The following CADPS variants were observed in gnomAD, a reference collection of about 807,000 sequenced individuals.
CADPS encodes the protein calcium-dependent secretion activator 1.
In CADPS, 57 loss-of-function variants were observed where a neutral mutation model predicts 167.3. The ratio of observed to expected loss-of-function variants is 0.34; its 90% confidence interval spans 0.28 to 0.42. The LOEUF (loss-of-function observed/expected upper bound fraction) is 0.42, where lower values mean the gene tolerates loss of function less well. Among genes scored for constraint, CADPS ranks in the 20% least tolerant of loss-of-function variants. The pLI, the probability that CADPS is intolerant of heterozygous loss-of-function variation, is 1.00. For missense variants in CADPS, 1,414 were observed against 1,738.1 expected (o/e 0.81, Z 3.32); for synonymous variants, 676 against 635.3 (o/e 1.06, Z -0.96).
Position 62,478,466 on chromosome 3 carries a change from C to A in CADPS, c.3174-50G>T. 1 of 1,546,338 alleles carries A rather than the reference C, an allele frequency of 6.5e-7. No homozygotes were observed. Among genetic ancestry groups the A allele is most frequent in the South Asian group, 1.2e-5 (1 of 85,966 alleles). ...GAGAGTCACCCACTGGCCTCAGGCTCTACAAAAACTAACACAGAGACAACT... is the reference window on the plus strand; with the variant it reads ...GAGAGTCACCCACTGGCCTCAGGCTATACAAAAACTAACACAGAGACAACT... On this transcript the variant is annotated intron_variant, in intron 22 of 29. Coordinates refer to ENST00000383710, the MANE Select transcript of CADPS (RefSeq NM_003716.4). This position sits in a 1 kb window ranked among gnomAD's most constrained non-coding sequence, Gnocchi z 5.7.
chr3:62,745,627 A>G (rs1002137190), intron 3 of CADPS, among the ~76,000 whole-genome samples: 1 of 152,224 alleles, frequency 6.6e-6, no homozygotes, highest in South Asian at 2.1e-4. Flanking sequence ...CATCCACATT[A>G]TAAAACAGGA....
rs554197608 is a variant in CADPS at position 62,855,091 on chromosome 3, A to ATTTTTTTTTTTTTTTTTTTTTTTTT, written c.441+19497_441+19498insAAAAAAAAAAAAAAAAAAAAAAAAA. 7.0e-4 allele frequency among the ~76,000 whole-genome samples: 65 copies of ATTTTTTTTTTTTTTTTTTTTTTTTT among 92,698 alleles called. 2 individuals carry two copies. The highest frequency in any genetic ancestry group is 8.6e-4 in the Non-Finnish European group (39 of 45,530). The allele number at this position is 92,698 out of a possible 152,430, so 60.8% of individuals were successfully genotyped here. A position where few individuals can be genotyped will look rare whatever the true frequency, so the allele number is the denominator to read the frequency against. ...AGGCACGTGCCATCATGCCCGGCTA[A>ATTTTTTTTTTTTTTTTTTTTTTTTT]TTTTTTTTTTTTTTTTTTGTCTTTT... On this transcript the variant is annotated intron_variant, in intron 1 of 29. Transcript: ENST00000383710.
At chr3:62,803,608 T>C (rs1227676602) in intron 1 of CADPS, among the ~76,000 whole-genome samples, 1 of 152,122 alleles carries the variant, frequency 6.6e-6, no homozygotes. Flanking sequence ...TTACCCTCCT[T>C]GTGCCTCCAC....
At chr3:62,524,850 AG>A (rs1471715707) in intron 13 of CADPS, among the ~76,000 whole-genome samples, 1 of 152,188 alleles carries the variant, frequency 6.6e-6, no homozygotes, top group Non-Finnish European at 1.5e-5. Context: ...TACCCCCAAG[AG>A]GACCAATTTT....
chr3:62,450,772 G>A (rs1188280742), intron 26 of CADPS, among the ~76,000 whole-genome samples: 1 of 152,110 alleles, frequency 6.6e-6, no homozygotes, highest in African/African-American at 2.4e-5. Context: ...CTATGTACAG[G>A]TACCACATTA....
chr3:62,868,465 T>G (rs539422863), intron 1 of CADPS, among the ~76,000 whole-genome samples: 4 of 152,128 alleles, frequency 2.6e-5, no homozygotes, highest in Admixed American at 6.6e-5. Context: ...TCAGGCCCAG[T>G]GTTGTCATAT....
At chr3:62,655,384 C>G (rs768514066) in intron 4 of CADPS, among the ~76,000 whole-genome samples, 1 of 152,126 alleles carries the variant, frequency 6.6e-6, no homozygotes, top group Non-Finnish European at 1.5e-5. Context: ...ATTCATATTG[C>G]TTTATGAGAA....
intron 28 of CADPS, among the ~76,000 whole-genome samples, chr3:62,429,887 GA>G (rs1275466751): frequency 6.6e-6 from 1 of 152,162 alleles, no homozygotes; most frequent in African/African-American, 2.4e-5. Context: ...CTGGAACACA[GA>G]AAGCTGTTCT....
At chr3:62,860,591 G>A (rs186983159) in intron 1 of CADPS, among the ~76,000 whole-genome samples, 298 of 152,206 alleles carry the variant, frequency 2.0e-3, no homozygotes, top group African/African-American at 6.3e-3. Context: ...TCAAACCCAC[G>A]TTGGTCAAGG....
chr3:62,870,040 G>A (rs1577663650), intron 1 of CADPS, among the ~76,000 whole-genome samples: 1 of 152,222 alleles, frequency 6.6e-6, no homozygotes, highest in South Asian at 2.1e-4. Context: ...TATGCTAGGG[G>A]TGTAATGAGG....
chr3:62,760,089 C>T (rs367885914), intron 2 of CADPS, among the ~76,000 whole-genome samples: 42 of 152,166 alleles, frequency 2.8e-4, no homozygotes, highest in Non-Finnish European at 4.6e-4. Flanking sequence ...CATCTTGCAC[C>T]TCCCTTCCTC....
At chr3:62,831,796 T>A (rs528050519) in intron 1 of CADPS, among the ~76,000 whole-genome samples, 4 of 152,176 alleles carry the variant, frequency 2.6e-5, no homozygotes, top group Non-Finnish European at 5.9e-5. Context: ...CTGATCTGAA[T>A]TGACCACTTA....
chr3:62,774,758 G>A (rs2089848168), intron 1 of CADPS, among the ~76,000 whole-genome samples: 1 of 152,172 alleles, frequency 6.6e-6, no homozygotes, highest in African/African-American at 2.4e-5. Context: ...AATCTGTTGT[G>A]AAATGCCGTT....
intron 4 of CADPS, among the ~76,000 whole-genome samples, chr3:62,654,887 T>C (rs1306672962): frequency 6.6e-6 from 1 of 152,136 alleles, no homozygotes; most frequent in African/African-American, 2.4e-5. Flanking sequence ...TGCTAATCAA[T>C]TTTGAGAGAC....
At chr3:62,535,589 T>C (rs1367427957) in intron 12 of CADPS, among the ~76,000 whole-genome samples, 1 of 152,038 alleles carries the variant, frequency 6.6e-6, no homozygotes, top group Non-Finnish European at 1.5e-5. Flanking sequence ...ATGAGAATTT[T>C]CCTCTATATA....
chr3:62,412,828 G>A lies in CADPS; in HGVS notation c.3778-9643C>T, dbSNP rs2049227214. On this transcript the variant is annotated intron_variant, in intron 28 of 29. Transcript: ENST00000383710. The surrounding 1 kb of genome is among the most constrained non-coding windows in gnomAD (Gnocchi z 4.1). ...AAGCTTAGCTTATATGAACTATCTAGGGGTCTCTCTCTGGAAGACACATCT... is the reference window on the plus strand; with the variant it reads ...AAGCTTAGCTTATATGAACTATCTAAGGGTCTCTCTCTGGAAGACACATCT... Among the ~76,000 whole-genome samples the A allele has an allele frequency of 6.6e-6, 1 of 152,110 alleles. No individual in the cohort carries two copies. The highest frequency in any genetic ancestry group is 1.5e-5 in the Non-Finnish European group (1 of 68,022).
At chr3:62,626,739 C>T (rs1331296898) in intron 6 of CADPS, among the ~76,000 whole-genome samples, 1 of 152,196 alleles carries the variant, frequency 6.6e-6, no homozygotes, top group African/African-American at 2.4e-5. Context: ...TTTATGGCTA[C>T]TCTATATTTA....
At chr3:62,662,229 T>C (rs11712073) in intron 4 of CADPS, 85 bp downstream of exon 4, 331,508 of 1,155,642 alleles carry the variant, frequency 0.29, 50,753 homozygotes, top group African/African-American at 0.34. Flanking sequence ...CTCAGCTTTA[T>C]CCTTTAGAGG....
chr3:62,413,906 A>T (rs1357816416), intron 28 of CADPS, among the ~76,000 whole-genome samples: 1 of 152,090 alleles, frequency 6.6e-6, no homozygotes, highest in East Asian at 1.9e-4. Flanking sequence ...AAAAAAAAAA[A>T]TCTTTGTAAG....
Sources: gnomAD v4.1 joint callset for allele counts (sites outside exome capture counted in the v4.1 genomes callset) on GRCh38, gnomAD v4.1.1 for gene constraint, Gnocchi (gnomAD v3.1) non-coding constraint, MANE v1.5 for transcripts, NCBI Gene and HGNC (gene_info 2026-07-23, HGNC 2026-07-21) for gene names.